The following RALYL variants were observed in gnomAD, a reference collection of about 807,000 sequenced individuals.
The protein encoded by RALYL is RNA-binding Raly-like protein.
In RALYL, 29 loss-of-function variants were observed where a neutral mutation model predicts 35.1. The ratio of observed to expected loss-of-function variants is 0.83; its 90% CI spans 0.61 to 1.13. The LOEUF (loss-of-function observed/expected upper bound fraction) is 1.13. RALYL is among the 50% of genes most tolerant of loss of function. The pLI, the probability that RALYL is intolerant of heterozygous loss-of-function variation, is 0.00. For synonymous variants in RALYL, 120 were observed against 127.6 expected (o/e 0.94, Z 0.40); for missense variants, 359 against 360.4 (o/e 1.00, Z 0.03).
chr8:84,707,813 T>C (rs1311481520), intron 2 of RALYL, among the ~76,000 whole-genome samples: 1 of 152,088 alleles, frequency 6.6e-6, no homozygotes, highest in Non-Finnish European at 1.5e-5. Context: ...AAACTAACAA[T>C]ATTTGCAAAA....
chr8:84,822,378 A>G (rs554053339), intron 4 of RALYL, among the ~76,000 whole-genome samples: 1 of 152,160 alleles, frequency 6.6e-6, no homozygotes, highest in Non-Finnish European at 1.5e-5. Flanking sequence ...TAATTTTCTT[A>G]AGTTGCCAGG....
intron 1 of RALYL, among the ~76,000 whole-genome samples, chr8:84,304,549 A>C (rs914318138): frequency 1.3e-5 from 2 of 152,202 alleles, no homozygotes; most frequent in Non-Finnish European, 2.9e-5. Flanking sequence ...AAACACTAGC[A>C]CTTTTACATC....
At chr8:84,606,407 T>C (rs1817157201) in intron 2 of RALYL, among the ~76,000 whole-genome samples, 1 of 152,186 alleles carries the variant, frequency 6.6e-6, no homozygotes, top group African/African-American at 2.4e-5. Context: ...TTTGGTTTCA[T>C]GTGTGTCTGC....
intron 7 of RALYL, among the ~76,000 whole-genome samples, chr8:84,887,174 T>C (rs898200018): frequency 6.6e-6 from 1 of 152,202 alleles, no homozygotes; most frequent in Non-Finnish European, 1.5e-5. Context: ...AACTTGTCAA[T>C]GAATTTTCTC....
intron 1 of RALYL, among the ~76,000 whole-genome samples, chr8:84,470,837 C>A (rs893707234): frequency 6.6e-6 from 1 of 152,192 alleles, no homozygotes; most frequent in Non-Finnish European, 1.5e-5. Flanking sequence ...GGGATGATTA[C>A]ACACCAATGA....
At chr8:84,666,856 C>T (rs1374344916) in intron 2 of RALYL, among the ~76,000 whole-genome samples, 1 of 152,044 alleles carries the variant, frequency 6.6e-6, no homozygotes, top group Non-Finnish European at 1.5e-5. Flanking sequence ...ATTCTGCAAA[C>T]ATTCAGTGAG....
chr8:84,192,728 T>G (rs949634354), intron 1 of RALYL, among the ~76,000 whole-genome samples: 4 of 151,714 alleles, frequency 2.6e-5, no homozygotes, highest in Non-Finnish European at 5.9e-5. Context: ...CAGTTATTTT[T>G]TGTATATTTA....
chr8:84,582,163 A>G (rs957316861), intron 2 of RALYL, among the ~76,000 whole-genome samples: 3 of 152,122 alleles, frequency 2.0e-5, no homozygotes, highest in Non-Finnish European at 4.4e-5. Context: ...TCATTCTCCT[A>G]TCTATATATT....
intron 8 of RALYL, among the ~76,000 whole-genome samples, chr8:84,914,280 G>T (rs1481292479): frequency 1.3e-5 from 2 of 151,938 alleles, no homozygotes; most frequent in African/African-American, 4.8e-5. Flanking sequence ...GCAATTTAGA[G>T]TACTATCCTA....
chr8:84,595,683 A>AG (rs1449142418), intron 2 of RALYL, among the ~76,000 whole-genome samples: 11 of 152,062 alleles, frequency 7.2e-5, no homozygotes, highest in African/African-American at 2.7e-4. Context: ...ATAACTGACA[A>AG]GGGTCATAGA....
intron 6 of RALYL, among the ~76,000 whole-genome samples, chr8:84,863,587 A>G (rs191890769): frequency 8.5e-5 from 13 of 152,216 alleles, no homozygotes; most frequent in African/African-American, 3.1e-4. Flanking sequence ...TAATAGACAT[A>G]GTAGAGTCTC....
chr8:84,454,973 A>G (rs1458646008), intron 1 of RALYL, among the ~76,000 whole-genome samples: 1 of 152,126 alleles, frequency 6.6e-6, no homozygotes, highest in African/African-American at 2.4e-5. Flanking sequence ...CAATGCGTAA[A>G]AGATTCACAT....
intron 2 of RALYL, among the ~76,000 whole-genome samples, chr8:84,617,022 G>C (rs953378950): frequency 1.3e-5 from 2 of 150,746 alleles, no homozygotes; most frequent in African/African-American, 5.0e-5. Flanking sequence ...AAGTCAGGTA[G>C]TGTGATGCCT....
chr8:84,187,314 A>C (rs1357600851), intron 1 of RALYL, among the ~76,000 whole-genome samples: 2 of 152,272 alleles, frequency 1.3e-5, no homozygotes, highest in African/African-American at 4.8e-5. Context: ...GATATAAAGA[A>C]AGAAAGTTCT....
chr8:84,602,982 G>A (rs1001377742), intron 2 of RALYL, among the ~76,000 whole-genome samples: 1 of 152,062 alleles, frequency 6.6e-6, no homozygotes, highest in Non-Finnish European at 1.5e-5. Flanking sequence ...TTAGCAATGT[G>A]AAGTGTTGAG....
intron 2 of RALYL, among the ~76,000 whole-genome samples, chr8:84,549,262 A>G (rs983242011): frequency 2.0e-5 from 3 of 152,208 alleles, no homozygotes; most frequent in Admixed American, 6.5e-5. Flanking sequence ...CGAAATGAAG[A>G]TAACAGTCAA....
intron 1 of RALYL, among the ~76,000 whole-genome samples, chr8:84,406,885 G>A (rs1253069115): frequency 1.3e-5 from 2 of 152,062 alleles, no homozygotes; most frequent in Non-Finnish European, 2.9e-5. Context: ...GAGTGCCTGT[G>A]CAGACATAGG....
At chr8:84,297,995 T>C (rs578228484) in intron 1 of RALYL, among the ~76,000 whole-genome samples, 33 of 152,250 alleles carry the variant, frequency 2.2e-4, no homozygotes, top group African/African-American at 7.7e-4. Context: ...GTCAGCTTAT[T>C]CTGTTGATAC....
intron 1 of RALYL, among the ~76,000 whole-genome samples, chr8:84,409,796 C>A (rs1368585336): frequency 1.3e-5 from 2 of 151,924 alleles, no homozygotes; most frequent in African/African-American, 4.8e-5. Context: ...TCTTTTAGAG[C>A]ACAAATCCAC....
Sources: allele counts gnomAD v4.1 joint callset (sites outside exome capture counted in the v4.1 genomes callset), GRCh38; gene constraint gnomAD v4.1.1; transcripts MANE v1.5; gene names NCBI Gene and HGNC (gene_info 2026-07-23, HGNC 2026-07-21).